Variants in BCR observed in about 807,000 individuals in gnomAD.
BCR encodes breakpoint cluster region protein.
BCR carries 58 observed loss-of-function variants against 138.6 expected under a neutral mutation model. The ratio of observed to expected loss-of-function variants is 0.42; its 90% CI spans 0.34 to 0.52. The LOEUF is 0.52. Ranked by LOEUF, BCR falls within the 20% of genes least tolerant of loss-of-function variation. The pLI is 0.06. For synonymous variants in BCR, 786 were observed against 730.1 expected (o/e 1.08, Z -1.23); for missense variants, 1,599 against 1,727.2 (o/e 0.93, Z 1.32).
intron 5 of BCR, among the ~76,000 whole-genome samples, chr22:23,269,389 A>T (rs1197261530): frequency 1.3e-5 from 2 of 152,200 alleles, no homozygotes; most frequent in Non-Finnish European, 2.9e-5. Flanking sequence ...CTGAGCAGAA[A>T]GCCCTCCGTG....
At chr22:23,209,093 C>G (rs1341877523) in intron 1 of BCR, among the ~76,000 whole-genome samples, 1 of 152,152 alleles carries the variant, frequency 6.6e-6, no homozygotes, top group Non-Finnish European at 1.5e-5. Flanking sequence ...GGCGCGGTGG[C>G]TCACGCCTGT....
chr22:23,224,922 G>GC (rs1029411828), intron 1 of BCR, among the ~76,000 whole-genome samples: 6 of 151,936 alleles, frequency 3.9e-5, no homozygotes, highest in Non-Finnish European at 8.8e-5. Flanking sequence ...CCCCCTGCAG[G>GC]CCCCCCGCTT....
At chr22:23,233,578 A>G (rs2072983901) in intron 1 of BCR, among the ~76,000 whole-genome samples, 1 of 152,150 alleles carries the variant, frequency 6.6e-6, no homozygotes, top group Non-Finnish European at 1.5e-5. Context: ...ATTTGAGGTC[A>G]AGAGTTCGAG....
rs2072365659 is a variant in BCR at position 23,187,830 on chromosome 22, C to CTGG, written c.1279+5591_1279+5592insTGG. ...TGATTCAAACACCCAGCCCAATGTG[C>CTGG]CTGTCAACTTTCTTCCAGGTGTCAG... On this transcript the variant is annotated intron_variant, in intron 1 of 22. Transcript: ENST00000305877. Among the ~76,000 whole-genome samples the CTGG allele has an allele frequency of 2.0e-5, 3 of 152,296 alleles. No homozygotes were observed. The South Asian group carries it at 6.2e-4, about 32-fold the overall frequency.
intron 1 of BCR, among the ~76,000 whole-genome samples, chr22:23,195,420 C>CA (rs529306820): frequency 0.034 from 3,171 of 92,208 alleles, 105 homozygotes; most frequent in African/African-American, 0.1. Flanking sequence ...AACTCCGTCT[C>CA]AAAAAAAAAA....
chr22:23,284,058 G>A lies in BCR; in HGVS notation c.2197G>A (p.Asp733Asn), dbSNP rs1248514981. The A allele has an allele frequency of 2.5e-6, 4 of 1,610,764 alleles. No individual in the cohort carries two copies. Among genetic ancestry groups the A allele is most frequent in the African/African-American group, 1.3e-5 (1 of 74,854 alleles). Residue 733 changes from aspartate (D) to asparagine (N), a missense_variant, in exon 9 of 23, where the codon GAC becomes AAC. By Grantham distance (23) the Asp-to-Asn change is conservative (BLOSUM62 1). Coordinates refer to ENST00000305877, the MANE Select transcript of BCR (RefSeq NM_004327.4). The stretch of plus-strand genomic sequence containing the variant: ...GCTGCGCCACGTCTTCCTGTTCACC[G>A]ACCTGCTTCTCTGCACCAAGCTCAA... ...RKLRHVFLFT[D>N]LLLCTKLKKQ...
intron 1 of BCR, among the ~76,000 whole-genome samples, chr22:23,185,786 CCCA>C (rs2072334851): frequency 6.6e-6 from 1 of 151,260 alleles, no homozygotes; most frequent in Non-Finnish European, 1.5e-5. Context: ...TGGAGTGCAG[CCCA>C]GCGATCTCGG....
At chr22:23,308,992 T>C (rs1018801838) in intron 16 of BCR, among the ~76,000 whole-genome samples, 3 of 152,126 alleles carry the variant, frequency 2.0e-5, no homozygotes, top group African/African-American at 7.2e-5. Flanking sequence ...AAGCTGTTCA[T>C]GGTGCAGGGG....
At chr22:23,240,813 C>T (rs1001932319) in intron 1 of BCR, among the ~76,000 whole-genome samples, 4 of 152,140 alleles carry the variant, frequency 2.6e-5, no homozygotes, top group Admixed American at 2.6e-4. Flanking sequence ...CACACTGAAA[C>T]TCCACTAAAC....
intron 16 of BCR, among the ~76,000 whole-genome samples, chr22:23,309,056 G>C (rs940325164): frequency 6.6e-6 from 1 of 152,212 alleles, no homozygotes; most frequent in African/African-American, 2.4e-5. Context: ...AGGCCCCCAG[G>C]AGTTGTTACT....
intron 21 of BCR, 125 bp from the exon 22 acceptor site, chr22:23,314,427 G>A (rs1468021055): frequency 5.3e-6 from 6 of 1,139,832 alleles, no homozygotes; most frequent in Non-Finnish European, 7.8e-6. Flanking sequence ...CAGGGCTGGA[G>A]TCAGCTTGCA....
chr22:23,195,391 G>A (rs2072465822), intron 1 of BCR, among the ~76,000 whole-genome samples: 1 of 144,526 alleles, frequency 6.9e-6, no homozygotes, highest in Non-Finnish European at 1.5e-5. Context: ...TTGCACTTGA[G>A]CCTGGGCTAC....
intron 8 of BCR, among the ~76,000 whole-genome samples, chr22:23,282,952 G>T (rs2073665462): frequency 6.6e-6 from 1 of 152,214 alleles, no homozygotes; most frequent in African/African-American, 2.4e-5. Context: ...GGGACAGAGG[G>T]TGGACCTCCC....
chr22:23,189,169 A>G (rs2072383447), intron 1 of BCR, among the ~76,000 whole-genome samples: 1 of 152,132 alleles, frequency 6.6e-6, no homozygotes, highest in African/African-American at 2.4e-5. Context: ...TAAAATTTAT[A>G]TTATAAGATG....
At chr22:23,247,013 A>G (rs1045812358) in intron 1 of BCR, among the ~76,000 whole-genome samples, 7 of 151,374 alleles carry the variant, frequency 4.6e-5, no homozygotes, top group African/African-American at 1.5e-4. Flanking sequence ...TGGACTCTGC[A>G]CCCTTCATGA....
chr22:23,206,159 A>C (rs1602013268), intron 1 of BCR, among the ~76,000 whole-genome samples: 1 of 152,324 alleles, frequency 6.6e-6, no homozygotes, highest in South Asian at 2.1e-4. Context: ...GGCTGAATGA[A>C]TATTCCCTGA....
intron 21 of BCR, among the ~76,000 whole-genome samples, 185 bp downstream of exon 21, chr22:23,314,258 C>G (rs1304302650): frequency 6.6e-6 from 1 of 152,190 alleles, no homozygotes; most frequent in Non-Finnish European, 1.5e-5. Flanking sequence ...TGCCACCCTC[C>G]TCTCTCTGCA....
intron 14 of BCR, among the ~76,000 whole-genome samples, chr22:23,291,718 T>C (rs959375851): frequency 3.3e-5 from 5 of 152,280 alleles, no homozygotes; most frequent in Admixed American, 6.5e-5. Context: ...TTGTTCCTCT[T>C]ATGTCCTGTC....
chr22:23,294,186 T>A (rs1367036062), intron 15 of BCR, among the ~76,000 whole-genome samples: 1 of 152,154 alleles, frequency 6.6e-6, no homozygotes, highest in Non-Finnish European at 1.5e-5. Context: ...CACTCCAGGG[T>A]GGGACATGAG....
Sources: allele counts gnomAD v4.1 joint callset (sites outside exome capture counted in the v4.1 genomes callset), GRCh38; gene constraint gnomAD v4.1.1; transcripts MANE v1.5; gene names NCBI Gene and HGNC (gene_info 2026-07-23, HGNC 2026-07-21).